The following SH2D7 variants were observed in gnomAD, a reference collection of about 807,000 sequenced individuals.
The protein encoded by SH2D7 is SH2 domain containing 7, also known as SH2 domain-containing protein 7.
A neutral mutation model predicts 40.8 loss-of-function variants in SH2D7; 32 were observed. The ratio of observed to expected loss-of-function variants is 0.78; its 90% CI spans 0.59 to 1.05. The LOEUF (loss-of-function observed/expected upper bound fraction) is 1.05, where lower values mean the gene tolerates loss of function less well. Ranked by LOEUF, SH2D7 falls within the 50% of genes least tolerant of loss-of-function variation. The pLI, the probability that SH2D7 is intolerant of heterozygous loss-of-function variation, is 0.00. For synonymous variants in SH2D7, 195 were observed against 221.5 expected (o/e 0.88, Z 1.06); for missense variants, 559 against 566.6 (o/e 0.99, Z 0.14).
At chr15:78,096,967 C>G (rs186665027) in intron 2 of SH2D7, among the ~76,000 whole-genome samples, 193 of 152,140 alleles carry the variant, frequency 1.3e-3, no homozygotes, top group African/African-American at 4.5e-3. Flanking sequence ...TTATAACAGC[C>G]CAAATCCGGA....
intron 3 of SH2D7, 75 bp from the exon 4 acceptor site, chr15:78,098,309 A>T: frequency 6.4e-7 from 1 of 1,551,354 alleles, no homozygotes. Context: ...GTCTCTTACC[A>T]GCAGTCTCAG....
rs1217725351 is a variant in SH2D7 at position 78,098,428 on chromosome 15, C to T, written c.477C>T (p.His159=). Residue 159 remains histidine, a synonymous_variant, in exon 4 of 6, where the codon CAC becomes CAT. Transcript: ENST00000328828. Reference sequence around the variant, plus strand: ...ATGATGCCATCACCCGGGGCCTCCACCAGACCATCGTGGACCCAGAAAACC... The same window carrying T: ...ATGATGCCATCACCCGGGGCCTCCATCAGACCATCGTGGACCCAGAAAACC... ...DLYDAITRGL[H]QTIVDPENPP... 3 of 1,613,980 alleles carry T rather than the reference C, an allele frequency of 1.9e-6. No homozygotes were observed. In the South Asian group the frequency reaches 3.3e-5, roughly 18 times the overall value.
chr15:78,101,823 G>A (rs74825207), intron 5 of SH2D7, among the ~76,000 whole-genome samples: 2,339 of 152,274 alleles, frequency 0.015, 54 homozygotes, highest in African/African-American at 0.052. Flanking sequence ...CATCCCCTCC[G>A]TCTCAGCCTC....
chr15:78,098,147 T>C (rs2073986489), intron 3 of SH2D7, 53 bp downstream of exon 3: 2 of 1,528,710 alleles, frequency 1.3e-6, no homozygotes, highest in African/African-American at 2.8e-5. Context: ...AGCCCAGGCC[T>C]GGGGTATCCA....
At position 78,097,978 on chromosome 15, in the gene SH2D7, C is replaced by G. The variant is rs373809285; in HGVS notation, c.316C>G (p.Arg106Gly). 6.2e-7 allele frequency: 1 copy of G among 1,613,812 alleles called. No homozygotes were observed. Among genetic ancestry groups the G allele is most frequent in the Admixed American group, 1.7e-5 (1 of 59,988 alleles). ...HFVINQLRNRRYIISGDTQSH... is the reference protein window; with the variant it reads ...HFVINQLRNRGYIISGDTQSH... Reference sequence around the variant, plus strand: ...TGTCATCAACCAGCTTCGAAACCGGCGTTACATCATCTCAGGAGACACCCA... The same window carrying G: ...TGTCATCAACCAGCTTCGAAACCGGGGTTACATCATCTCAGGAGACACCCA... The change falls in exon 3 of 6, where the codon CGT (arginine) becomes GGT (glycine). Residue 106 changes from arginine to glycine, a missense_variant. Physicochemically the swap from Arg to Gly is moderately radical, Grantham distance 125 (BLOSUM62 -2). Transcript: ENST00000328828.
Position 78,092,751 on chromosome 15 carries a change from T to A in SH2D7, c.167T>A (p.Ile56Asn), listed in dbSNP as rs1408182727. 2 of 1,608,028 alleles carry A rather than the reference T, an allele frequency of 1.2e-6. No individual in the cohort carries two copies. The highest frequency in any genetic ancestry group is 1.1e-5 in the South Asian group (1 of 89,790). ...GALPPWFHGFITRKQTEQLLR... is the reference protein window; with the variant it reads ...GALPPWFHGFNTRKQTEQLLR... ...CTGCCTCCCTGGTTTCATGGATTCA[T>A]CACCCGCAAGTAAGGCTGCTTCTAC... The change falls in exon 1 of 6, where the codon ATC becomes AAC. Residue 56 changes from isoleucine (I) to asparagine (N), a missense_variant. Transcript: ENST00000328828.
chr15:78,102,786 C>A (rs1024693622), intron 5 of SH2D7, among the ~76,000 whole-genome samples: 4 of 151,992 alleles, frequency 2.6e-5, no homozygotes, highest in Non-Finnish European at 2.9e-5. Context: ...CTCTCTGGAG[C>A]CCTCGGTCCC....
upstream of SH2D7, among the ~76,000 whole-genome samples, chr15:78,090,632 T>TCAA (rs1301332650): frequency 2.7e-5 from 4 of 150,640 alleles, no homozygotes; most frequent in Non-Finnish European, 5.9e-5. Context: ...ACCATCATCA[T>TCAA]CATCATCATC....
At position 78,098,052 on chromosome 15, in the gene SH2D7, G is replaced by T; in HGVS notation, c.390G>T (p.Gln130His). The T allele has an allele frequency of 6.2e-7, 1 of 1,613,800 alleles. No homozygotes were observed. The highest frequency in any genetic ancestry group is 2.2e-5 in the East Asian group (1 of 44,874). The change falls in exon 3 of 6, where the codon CAG becomes CAT. Residue 130 changes from glutamine to histidine, a missense_variant. Coordinates refer to ENST00000328828, the MANE Select transcript of SH2D7 (RefSeq NM_001101404.2). ...AELVHHYQEA[Q>H]LEPFKEMLTA... is the part of the protein sequence containing the mutation. ...TTGTGCACCATTACCAGGAGGCACA[G>T]CTCGAGCCCTTCAAAGAGATGCTGA...
upstream of SH2D7, among the ~76,000 whole-genome samples, chr15:78,090,674 C>G (rs898633195): frequency 6.7e-6 from 1 of 149,824 alleles, no homozygotes; most frequent in Non-Finnish European, 1.5e-5. Flanking sequence ...AAATTAATAG[C>G]TAATCCTAGT....
intron 2 of SH2D7, among the ~76,000 whole-genome samples, chr15:78,095,717 G>A (rs537946275): frequency 6.6e-6 from 1 of 152,174 alleles, no homozygotes; most frequent in South Asian, 2.1e-4. Flanking sequence ...CATTGTCATA[G>A]GTAAATGAAA....
At chr15:78,092,553 T>C, upstream of SH2D7, 3 of 1,536,504 alleles carry the variant, frequency 2.0e-6, no homozygotes, top group Admixed American at 4.0e-5. Context: ...GTGCACTGGC[T>C]GCGCTCTGCT....
At chr15:78,098,628 G>A in intron 4 of SH2D7, 32 bp downstream of exon 4, 2 of 1,599,742 alleles carry the variant, frequency 1.3e-6, no homozygotes, top group Non-Finnish European at 8.5e-7. Flanking sequence ...CTAGAGTCAG[G>A]GTTGCCAGAC....
chr15:78,094,282 C>A, intron 2 of SH2D7, 81 bp downstream of exon 2: 1 of 1,366,734 alleles, frequency 7.3e-7, no homozygotes. Flanking sequence ...GCCCCACTGG[C>A]CCAAATTGCC....
chr15:78,094,323 C>T, intron 2 of SH2D7, 122 bp downstream of exon 2: 1 of 802,186 alleles, frequency 1.2e-6, no homozygotes, highest in Non-Finnish European at 2.0e-6. Flanking sequence ...CTCCTGAATC[C>T]CTCAATCATC....
intron 1 of SH2D7, among the ~76,000 whole-genome samples, 163 bp from the exon 2 acceptor site, chr15:78,093,949 C>G (rs2073954712): frequency 6.6e-6 from 1 of 152,226 alleles, no homozygotes; most frequent in Non-Finnish European, 1.5e-5. Flanking sequence ...TGAACCCTGA[C>G]AGGCCACAGA....
Position 78,098,047 on chromosome 15 carries a change from G to T in SH2D7, c.385G>T (p.Ala129Ser), listed in dbSNP as rs756464921. 2 of 1,613,896 alleles carry T rather than the reference G, an allele frequency of 1.2e-6. No individual in the cohort carries two copies. Among genetic ancestry groups the T allele is most frequent in the South Asian group, 2.2e-5 (2 of 91,070 alleles). The change falls in exon 3 of 6, where the codon GCA becomes TCA. Residue 129 changes from alanine to serine, a missense_variant. Physicochemically the swap from Ala to Ser is moderately conservative, Grantham distance 99 (BLOSUM62 1). Transcript: ENST00000328828. ...LAELVHHYQE[A>S]QLEPFKEMLT... Reference sequence around the variant, plus strand: ...TGAGCTTGTGCACCATTACCAGGAGGCACAGCTCGAGCCCTTCAAAGAGAT... The same window carrying T: ...TGAGCTTGTGCACCATTACCAGGAGTCACAGCTCGAGCCCTTCAAAGAGAT...
At chr15:78,100,248 T>TG (rs1207228651) in intron 4 of SH2D7, among the ~76,000 whole-genome samples, 4 of 152,196 alleles carry the variant, frequency 2.6e-5, no homozygotes, top group African/African-American at 9.7e-5. Flanking sequence ...AAATGAGTGA[T>TG]GGACTTGGAG....
At position 78,098,209 on chromosome 15, in the gene SH2D7, G is replaced by A. The variant is rs970218352; in HGVS notation, c.432+115G>A. Reference sequence around the variant, plus strand: ...CCTCCCTATTTACTATCACCCAGGGGCACTTGGTGTGGGGTCATGATCCCT... The same window carrying A: ...CCTCCCTATTTACTATCACCCAGGGACACTTGGTGTGGGGTCATGATCCCT... On this transcript the variant is annotated intron_variant, in intron 3 of 5. Coordinates refer to ENST00000328828, the MANE Select transcript of SH2D7 (RefSeq NM_001101404.2). The A allele has an allele frequency of 7.7e-6, 11 of 1,423,778 alleles. No individual in the cohort carries two copies. In the East Asian group the frequency reaches 2.5e-4, roughly 32 times the overall value. The allele number at this position is 1,423,778 out of a possible 1,614,324, so 88.2% of individuals were successfully genotyped here.
Sources: gnomAD v4.1 joint callset for allele counts (sites outside exome capture counted in the v4.1 genomes callset) on GRCh38, gnomAD v4.1.1 for gene constraint, MANE v1.5 for transcripts, NCBI Gene and HGNC (gene_info 2026-07-23, HGNC 2026-07-21) for gene names.